Variants in PRPH2 observed in about 807,000 individuals in gnomAD.
The protein encoded by PRPH2 is peripherin 2, also known as peripherin-2.
PRPH2 carries 17 observed loss-of-function variants against 31.3 expected under a neutral mutation model. The observed-to-expected ratio is 0.54, with a 90% CI of 0.37 to 0.81. The LOEUF (loss-of-function observed/expected upper bound fraction) is 0.81. PRPH2 is among the 40% of genes least tolerant of loss of function. The probability of loss-of-function intolerance (pLI) is 0.00; values close to 1 mark genes in which losing one functional copy is unlikely to be tolerated. For missense variants in PRPH2, 430 were observed against 439.7 expected (o/e 0.98, Z 0.20); for synonymous variants, 165 against 184.4 (o/e 0.89, Z 0.85).
At position 42,697,571 on chromosome 6, in the gene PRPH2, T is replaced by TC. The variant is rs1445120454; in HGVS notation, c.*723dup. 6.6e-6 allele frequency: 1 copy of TC among 152,272 alleles called. No individual in the cohort carries two copies. Among genetic ancestry groups the TC allele is most frequent in the Non-Finnish European group, 1.5e-5 (1 of 68,090 alleles). 9.4% of individuals were successfully genotyped at this position (152,272 alleles called of 1,614,324 possible). ...GGGACACGCCAACAGCCTGACTTCCTCAACCCGTGGTTCACTCCAGACTCA... is the reference window on the plus strand; with the variant it reads ...GGGACACGCCAACAGCCTGACTTCCTCCAACCCGTGGTTCACTCCAGACTCA... On this transcript the variant is annotated 3_prime_UTR_variant, in exon 3 of 3. Coordinates refer to ENST00000230381, the MANE Select transcript of PRPH2 (RefSeq NM_000322.5).
chr6:42,711,997 G>A (rs551506214), intron 1 of PRPH2: 19 of 981,070 alleles, frequency 1.9e-5, no homozygotes, highest in South Asian at 9.4e-5. Flanking sequence ...CATGTGCTAC[G>A]GTAAGATACA....
At position 42,716,131 on chromosome 6, in the gene PRPH2, A is replaced by C. The variant is rs530659833; in HGVS notation, c.581+5623T>G. ...AGGAGGATCCCTGTGGATTTTCTCC[A>C]GGCTACCCATGCTCAGACCAGCTCA... On this transcript the variant is annotated intron_variant, in intron 1 of 2. Transcript: ENST00000230381. 4.6e-5 allele frequency among the ~76,000 whole-genome samples: 7 copies of C among 152,290 alleles called. 1 individual carries two copies. In the South Asian group the frequency reaches 1.4e-3, roughly 32 times the overall value.
chr6:42,699,512 C>T (rs373523096), intron 2 of PRPH2, among the ~76,000 whole-genome samples: 1 of 152,224 alleles, frequency 6.6e-6, no homozygotes, highest in East Asian at 1.9e-4. Context: ...CAGGAAACCT[C>T]ACTTTATTCA....
At chr6:42,705,597 A>ATATATATATATATATATATAT (rs1800144558) in intron 1 of PRPH2, among the ~76,000 whole-genome samples, 1 of 2,820 alleles carries the variant, frequency 3.5e-4, no homozygotes. Context: ...AAAAAAAAAA[A>ATATATATATATATATATATAT]AAATATATAT....
At position 42,698,397 on chromosome 6, in the gene PRPH2, C is replaced by A. The variant is rs1052492384; in HGVS notation, c.939G>T (p.Pro313=). 6.2e-7 allele frequency: 1 copy of A among 1,613,876 alleles called. No individual in the cohort carries two copies. The highest frequency in any genetic ancestry group is 2.2e-5 in the East Asian group (1 of 44,858). ...TCTCCAGAAAGGCCTTCCAGGTCTC[C>A]GGCACGCTCCTCTCCAGCAGCCAGC... is the stretch of plus-strand genomic sequence containing the variant. ...SQGWLLERSV[P]ETWKAFLESV... The change falls in exon 3 of 3, where the codon CCG becomes CCT. Residue 313 remains proline (P), a synonymous_variant. Transcript: ENST00000230381.
chr6:42,708,413 C>T (rs1289014958), intron 1 of PRPH2, among the ~76,000 whole-genome samples: 4 of 152,194 alleles, frequency 2.6e-5, no homozygotes, highest in East Asian at 1.9e-4. Flanking sequence ...CTCTGGGCAC[C>T]GGGCTGTTGG....
chr6:42,722,108 G>A lies in PRPH2; in HGVS notation c.227C>T (p.Ser76Leu), dbSNP rs1203908646. 8 of 1,614,132 alleles carry A rather than the reference G, an allele frequency of 5.0e-6. No homozygotes were observed. Among genetic ancestry groups the A allele is most frequent in the South Asian group, 2.2e-5 (2 of 91,082 alleles). ...GTCGTAGCAGATCTTCCCAGCCAGCGAGTTGAAGACACAGGATAGCACCCC... is the reference window on the plus strand; with the variant it reads ...GTCGTAGCAGATCTTCCCAGCCAGCAAGTTGAAGACACAGGATAGCACCCC... The part of the protein sequence containing the change: ...GMGVLSCVFN[S>L]LAGKICYDAL... Residue 76 changes from serine (S) to leucine (L), a missense_variant, in exon 1 of 3, where the codon TCG becomes TTG. Ser to Leu is a moderately radical substitution (Grantham distance 145). Transcript: ENST00000230381. This position sits in a 1 kb window ranked among gnomAD's most constrained non-coding sequence, Gnocchi z 4.4.
intron 2 of PRPH2, among the ~76,000 whole-genome samples, chr6:42,699,723 C>G (rs1409075493): frequency 2.0e-5 from 3 of 152,086 alleles, no homozygotes; most frequent in Non-Finnish European, 4.4e-5. Flanking sequence ...CTCATCTCTA[C>G]TAAAAATAAA....
chr6:42,714,719 T>G (rs907164112), intron 1 of PRPH2, among the ~76,000 whole-genome samples: 1 of 152,154 alleles, frequency 6.6e-6, no homozygotes, highest in Non-Finnish European at 1.5e-5. Flanking sequence ...GGTTTCACTA[T>G]GTTGCCCATG....
rs775176959 is a variant in PRPH2 at position 42,722,304 on chromosome 6, T to A, written c.31A>T (p.Lys11Ter). The change falls in exon 1 of 3, where the codon AAG becomes TAG. Residue 11 changes from lysine (K) to a stop codon, truncating the protein, a stop_gained. Coordinates refer to ENST00000230381, the MANE Select transcript of PRPH2 (RefSeq NM_000322.5). LOFTEE classifies it high-confidence loss of function. The surrounding 1 kb of genome is among the most constrained non-coding windows in gnomAD (Gnocchi z 4.4). Reference sequence around the variant, plus strand: ...CCTTGGGCCAACTTGACCCGCTTCTTCTGGTCAAACTTGACTTTCAGTAGC... The same window carrying A: ...CCTTGGGCCAACTTGACCCGCTTCTACTGGTCAAACTTGACTTTCAGTAGC... MALLKVKFDQ[K>*]KRVKLAQGLW... 1 of 1,614,066 alleles carries A rather than the reference T, an allele frequency of 6.2e-7. No individual in the cohort carries two copies. The highest frequency in any genetic ancestry group is 8.5e-7 in the Non-Finnish European group (1 of 1,180,046).
chr6:42,704,483 T>G lies in PRPH2; in HGVS notation c.710A>C (p.Asp237Ala). Residue 237 changes from aspartate to alanine, a missense_variant, in exon 2 of 3, where the codon GAC becomes GCC. Physicochemically the swap from Asp to Ala is moderately radical, Grantham distance 126. Transcript: ENST00000230381. Reference sequence around the variant, plus strand: ...CAGGTTGAGCTCCTCCGTCTGGTGGTCGTAACTGTAGTGTGCTGAGTTGTT... The same window carrying G: ...CAGGTTGAGCTCCTCCGTCTGGTGGGCGTAACTGTAGTGTGCTGAGTTGTT... ...ITNNSAHYSY[D>A]HQTEELNLWV... 6.2e-7 allele frequency: 1 copy of G among 1,614,012 alleles called. No homozygotes were observed. Among genetic ancestry groups the G allele is most frequent in the African/African-American group, 1.3e-5 (1 of 75,014 alleles).
chr6:42,705,602 ATATATAT>A (rs1562424300), intron 1 of PRPH2, among the ~76,000 whole-genome samples: 78 of 11,804 alleles, frequency 6.6e-3, no homozygotes, highest in African/African-American at 0.016. Context: ...AAAAAAAAAT[ATATATAT>A]ATATATATAT....
intron 2 of PRPH2, among the ~76,000 whole-genome samples, chr6:42,700,122 C>T (rs990824593): frequency 5.9e-5 from 9 of 152,216 alleles, no homozygotes; most frequent in East Asian, 1.9e-4. Context: ...CTTGGCACCA[C>T]GCCTGGCTAA....
In PRPH2 at chr6:42,722,482, C is replaced by T. The variant is rs944497808; in HGVS notation, c.-148G>A. 5.5e-5 allele frequency: 83 copies of T among 1,513,302 alleles called. No homozygotes were observed. The highest frequency in any genetic ancestry group is 7.0e-5 in the Non-Finnish European group (80 of 1,136,210). The allele number at this position is 1,513,302 out of a possible 1,614,324, so 93.7% of individuals were successfully genotyped here. A position where few individuals can be genotyped will look rare whatever the true frequency, so the allele number is the denominator to read the frequency against. ...GCCCTGGGGGCTACCCATGTCGAGTCCCACTAGCCTGGGATCCCCGTGAAT... is the reference window on the plus strand; with the variant it reads ...GCCCTGGGGGCTACCCATGTCGAGTTCCACTAGCCTGGGATCCCCGTGAAT... On this transcript the variant is annotated 5_prime_UTR_variant, in exon 1 of 3. Transcript: ENST00000230381. The surrounding 1 kb of genome is among the most constrained non-coding windows in gnomAD (Gnocchi z 4.4).
In PRPH2 at chr6:42,710,852, T is replaced by C. The variant is rs115611161; in HGVS notation, c.582-6241A>G. Reference sequence around the variant, plus strand: ...CAGGGGTATACCTGACAGTGGGTCATGCCAAGCAGAACGCTGGCTGAGGGA... The same window carrying C: ...CAGGGGTATACCTGACAGTGGGTCACGCCAAGCAGAACGCTGGCTGAGGGA... On this transcript the variant is annotated intron_variant, in intron 1 of 2. Transcript: ENST00000230381. Among the ~76,000 whole-genome samples, 1,053 of 152,296 alleles carry C rather than the reference T, an allele frequency of 6.9e-3. 6 individuals carry two copies. Among genetic ancestry groups the C allele is most frequent in the African/African-American group, 0.024 (983 of 41,552 alleles).
rs750578032 is a variant in PRPH2, at chr6:42,704,504, T to C, written c.689A>G (p.Asn230Ser). The change falls in exon 2 of 3, where the codon AAC becomes AGC. Residue 230 changes from asparagine (N) to serine (S), a missense_variant. By Grantham distance (46) the Asn-to-Ser change is conservative. Transcript: ENST00000230381. ...GTGGTCGTAACTGTAGTGTGCTGAG[T>C]TGTTGGTGATCTGATACTGGATGCA... ...RPCIQYQITNNSAHYSYDHQT... is the reference protein window; with the variant it reads ...RPCIQYQITNSSAHYSYDHQT... 6.2e-7 allele frequency: 1 copy of C among 1,613,988 alleles called. No homozygotes were observed. Among genetic ancestry groups the C allele is most frequent in the Non-Finnish European group, 8.5e-7 (1 of 1,179,980 alleles).
intron 1 of PRPH2, among the ~76,000 whole-genome samples, chr6:42,715,527 C>T (rs1276360488): frequency 6.6e-6 from 1 of 151,892 alleles, no homozygotes; most frequent in Non-Finnish European, 1.5e-5. Context: ...AAAAATTAGC[C>T]AGGTGTGGAG....
intron 1 of PRPH2, among the ~76,000 whole-genome samples, chr6:42,716,623 T>G (rs1348858463): frequency 4.1e-5 from 6 of 145,818 alleles, no homozygotes; most frequent in Admixed American, 2.7e-4. Flanking sequence ...TTTTTTTTTT[T>G]TTTTTTTTTT....
At chr6:42,703,338 A>C (rs575992262) in intron 2 of PRPH2, among the ~76,000 whole-genome samples, 23 of 152,376 alleles carry the variant, frequency 1.5e-4, no homozygotes, top group Middle Eastern at 3.4e-3. Flanking sequence ...TGAGCGTTGC[A>C]GATAAGATGA....
Sources: gnomAD v4.1 joint callset for allele counts (sites outside exome capture counted in the v4.1 genomes callset) on GRCh38, gnomAD v4.1.1 for gene constraint, Gnocchi (gnomAD v3.1) non-coding constraint, MANE v1.5 for transcripts, NCBI Gene and HGNC (gene_info 2026-07-23, HGNC 2026-07-21) for gene names.